Variants in ROBO2 observed in about 807,000 individuals in gnomAD.
ROBO2 encodes the protein roundabout homolog 2.
ROBO2 carries 53 observed loss-of-function variants against 160.8 expected under a neutral mutation model. That is an observed-to-expected ratio of 0.33 (90% CI 0.26 to 0.41). The LOEUF is 0.41. Ranked by LOEUF, ROBO2 falls within the 10% of genes least tolerant of loss-of-function variation. The pLI is 1.00. For synonymous variants in ROBO2, 664 were observed against 611.7 expected (o/e 1.09, Z -1.26); for missense variants, 1,577 against 1,722.4 (o/e 0.92, Z 1.49).
At chr3:76,655,768 A>AGAAGGAAG (rs1385564216) in intron 2 of ROBO2, among the ~76,000 whole-genome samples, 5 of 143,872 alleles carry the variant, frequency 3.5e-5, no homozygotes, top group African/African-American at 1.4e-4. Flanking sequence ...AAGGAAGGAA[A>AGAAGGAAG]GAAGGAAGGA....
chr3:77,161,227 G>C (rs1248379339), intron 2 of ROBO2, among the ~76,000 whole-genome samples: 3 of 152,168 alleles, frequency 2.0e-5, no homozygotes, highest in African/African-American at 7.2e-5. Flanking sequence ...ATAATTATGT[G>C]TTTGGAATTG....
chr3:76,354,799 A>T (rs1559811575), intron 2 of ROBO2, among the ~76,000 whole-genome samples: 5 of 151,836 alleles, frequency 3.3e-5, no homozygotes, highest in Non-Finnish European at 7.4e-5. Context: ...GGAAAAGAGA[A>T]GCCTCAGCAC....
intron 2 of ROBO2, among the ~76,000 whole-genome samples, chr3:76,129,896 T>G (rs2071159528): frequency 6.6e-6 from 1 of 152,066 alleles, no homozygotes; most frequent in Non-Finnish European, 1.5e-5. Context: ...CATTTTGATA[T>G]ATTTTAGTTG....
intron 2 of ROBO2, among the ~76,000 whole-genome samples, chr3:76,548,962 T>C (rs2083266346): frequency 6.6e-6 from 1 of 152,138 alleles, no homozygotes; most frequent in African/African-American, 2.4e-5. Flanking sequence ...TCCTAATCCC[T>C]GAAGACACTA....
intron 2 of ROBO2, among the ~76,000 whole-genome samples, chr3:77,105,053 T>G (rs2072599455): frequency 6.6e-6 from 1 of 152,226 alleles, no homozygotes; most frequent in African/African-American, 2.4e-5. Context: ...TTCCTGAGAA[T>G]AACTGACAGT....
At chr3:76,656,574 G>A (rs956243193) in intron 2 of ROBO2, among the ~76,000 whole-genome samples, 3 of 152,012 alleles carry the variant, frequency 2.0e-5, no homozygotes, top group South Asian at 2.1e-4. Flanking sequence ...GCTCAGAATC[G>A]AAAGAGCTGT....
rs1245202116 is a variant in ROBO2 at position 77,139,048 on chromosome 3, G to A, written c.388+40708G>A. On this transcript the variant is annotated intron_variant, in intron 2 of 25. Coordinates refer to ENST00000461745, the Ensembl canonical transcript of ROBO2. ...ATTATATAATTATATTCTATTAAAG[G>A]TAGAATAGGAGCAATCTGGCCAGTT... Among the ~76,000 whole-genome samples the A allele has an allele frequency of 2.0e-5, 3 of 152,066 alleles. No homozygotes were observed. In the East Asian group the frequency reaches 5.8e-4, roughly 29 times the overall value.
intron 2 of ROBO2, among the ~76,000 whole-genome samples, chr3:77,392,130 A>C (rs923448009): frequency 6.6e-6 from 1 of 152,286 alleles, no homozygotes; most frequent in South Asian, 2.1e-4. Context: ...TGACTTCATA[A>C]ATTATATTTA....
intron 2 of ROBO2, among the ~76,000 whole-genome samples, chr3:76,136,968 A>G (rs1307184907): frequency 1.3e-5 from 2 of 152,030 alleles, no homozygotes; most frequent in African/African-American, 4.8e-5. Context: ...TTATCATAGG[A>G]AAGAGGTGGA....
intron 2 of ROBO2, among the ~76,000 whole-genome samples, chr3:76,401,094 G>A (rs1213944482): frequency 1.3e-5 from 2 of 151,460 alleles, no homozygotes; most frequent in African/African-American, 4.8e-5. Flanking sequence ...ACATTGATTT[G>A]CCTGTTTTCT....
chr3:77,387,710 C>T (rs2074284051), intron 2 of ROBO2, among the ~76,000 whole-genome samples: 1 of 151,864 alleles, frequency 6.6e-6, no homozygotes, highest in Admixed American at 6.5e-5. Flanking sequence ...AAGCAGATAG[C>T]TACAGGCAGA....
Position 77,382,362 on chromosome 3 carries a change from T to TAAA in ROBO2, c.389-95049_389-95047dup, listed in dbSNP as rs138278147. ...ACACATGTCCTTTTTTTTTTTTTTTTAAAAAGTCTTTTTTTAGGTGTTTTA... is the reference window on the plus strand; with the variant it reads ...ACACATGTCCTTTTTTTTTTTTTTTTAAAAAAAAGTCTTTTTTTAGGTGTTTTA... On this transcript the variant is annotated intron_variant, in intron 2 of 25. Coordinates refer to ENST00000461745, the Ensembl canonical transcript of ROBO2. Among the ~76,000 whole-genome samples the TAAA allele has an allele frequency of 8.6e-3, 1,277 of 149,066 alleles. 8 individuals carry two copies. Among genetic ancestry groups the TAAA allele is most frequent in the African/African-American group, 0.016 (647 of 40,530 alleles).
At chr3:76,868,989 T>G (rs2071683034) in intron 2 of ROBO2, among the ~76,000 whole-genome samples, 1 of 152,008 alleles carries the variant, frequency 6.6e-6, no homozygotes, top group Non-Finnish European at 1.5e-5. Flanking sequence ...GTCAAGAAAA[T>G]GAGATAATAA....
intron 6 of ROBO2, 80 bp from the exon 8 acceptor site, chr3:77,546,258 T>A (rs2092693957): frequency 6.8e-7 from 1 of 1,469,350 alleles, no homozygotes; most frequent in African/African-American, 1.4e-5. Context: ...ACAGTCAACA[T>A]AGTACCATAT....
intron 2 of ROBO2, among the ~76,000 whole-genome samples, chr3:76,695,249 T>C (rs2107319697): frequency 6.6e-6 from 1 of 152,324 alleles, no homozygotes; most frequent in East Asian, 1.9e-4. Context: ...TTCATCCCTT[T>C]GGAGATCTCA....
At chr3:76,448,371 TATC>T (rs2077306305) in intron 2 of ROBO2, among the ~76,000 whole-genome samples, 1 of 152,102 alleles carries the variant, frequency 6.6e-6, no homozygotes, top group South Asian at 2.1e-4. Context: ...ATGACCAAAA[TATC>T]AGCAGTGTTC....
chr3:77,164,634 G>A (rs2078834809), intron 2 of ROBO2, among the ~76,000 whole-genome samples: 1 of 124,382 alleles, frequency 8.0e-6, no homozygotes, highest in Non-Finnish European at 1.7e-5. Context: ...CCCTCTGCCC[G>A]GCCAGCCGCC....
At chr3:77,479,820 G>A (rs772981520) in intron 3 of ROBO2, among the ~76,000 whole-genome samples, 1 of 152,072 alleles carries the variant, frequency 6.6e-6, no homozygotes, top group Admixed American at 6.5e-5. Flanking sequence ...CTCTCAGCTG[G>A]GTATCTTCGT....
At chr3:77,200,300 TATATATATATATATATA>T (rs1560218634) in intron 2 of ROBO2, among the ~76,000 whole-genome samples, 1 of 81,058 alleles carries the variant, frequency 1.2e-5, no homozygotes, top group African/African-American at 5.6e-5. Flanking sequence ...TATATATATA[TATATATATATATATATA>T]TATATTTTAG....
Sources: allele counts gnomAD v4.1 joint callset (sites outside exome capture counted in the v4.1 genomes callset), GRCh38; gene constraint gnomAD v4.1.1; transcripts MANE v1.5; gene names NCBI Gene and HGNC (gene_info 2026-07-23, HGNC 2026-07-21).